ASTN2: variants seen among roughly 807,000 people sequenced by gnomAD.
The protein encoded by ASTN2 is astrotactin-2.
A neutral mutation model predicts 139.8 loss-of-function variants in ASTN2; 54 were observed. The ratio of observed to expected loss-of-function variants is 0.39; its 90% CI spans 0.31 to 0.48. The LOEUF (loss-of-function observed/expected upper bound fraction) is 0.48. Ranked by LOEUF, ASTN2 falls within the 20% of genes least tolerant of loss-of-function variation. ASTN2 has a pLI of 0.95. For missense variants in ASTN2, 1,565 were observed against 1,725.1 expected, an observed-to-expected ratio of 0.91 and a Z score of 1.64; for synonymous variants, 756 against 719.5, an observed-to-expected ratio of 1.05 and a Z score of -0.81.
intron 11 of ASTN2, among the ~76,000 whole-genome samples, chr9:116,861,499 T>C (rs1165711673): frequency 6.6e-6 from 1 of 152,174 alleles, no homozygotes; most frequent in Admixed American, 6.5e-5. Flanking sequence ...ACTTTTCCAA[T>C]GTGCTATATG....
chr9:116,829,189 C>T (rs1831731519), intron 11 of ASTN2, among the ~76,000 whole-genome samples: 2 of 151,422 alleles, frequency 1.3e-5, no homozygotes, highest in African/African-American at 4.9e-5. Flanking sequence ...AGAACAGACC[C>T]CAAATAACCA....
intron 1 of ASTN2, among the ~76,000 whole-genome samples, chr9:117,313,730 T>C (rs1828048236): frequency 6.6e-6 from 1 of 152,150 alleles, no homozygotes; most frequent in Non-Finnish European, 1.5e-5. Context: ...AGGACTCACA[T>C]GGTAAGACAC....
rs145033047 is a variant in ASTN2 at position 117,344,569 on chromosome 9, G to A, written c.443-53056C>T. Among the ~76,000 whole-genome samples the A allele has an allele frequency of 1.3e-4, 20 of 152,216 alleles. No homozygotes were observed. The East Asian group carries it at 2.3e-3, about 18-fold the overall frequency. On this transcript the variant is annotated intron_variant, in intron 1 of 22. Coordinates refer to ENST00000313400, the MANE Select transcript of ASTN2 (RefSeq NM_001365068.1). ...CTTTGTGTACACACACAACCTATGC[G>A]CACACACCCCATAGAGTGACACAGA...
intron 5 of ASTN2, among the ~76,000 whole-genome samples, chr9:117,087,577 A>G (rs1175198489): frequency 6.6e-6 from 1 of 152,186 alleles, no homozygotes. Context: ...GTACATTAGA[A>G]AGAGGACCTG....
intron 20 of ASTN2, among the ~76,000 whole-genome samples, chr9:116,445,907 G>A (rs1005539743): frequency 6.6e-6 from 1 of 152,152 alleles, no homozygotes; most frequent in Non-Finnish European, 1.5e-5. Flanking sequence ...ACCCTGCTGG[G>A]GGGTGGAGAA....
chr9:116,516,108 G>A (rs1008683577), intron 19 of ASTN2, among the ~76,000 whole-genome samples: 10 of 152,124 alleles, frequency 6.6e-5, no homozygotes, highest in Non-Finnish European at 1.3e-4. Context: ...TCTTGAACAG[G>A]AGAATAGGAA....
At chr9:117,402,037 A>C (rs192605069) in intron 1 of ASTN2, among the ~76,000 whole-genome samples, 124 of 152,258 alleles carry the variant, frequency 8.1e-4, no homozygotes, top group African/African-American at 2.9e-3. Context: ...TGCCAGTGGA[A>C]ACTATGAAAA....
At chr9:117,163,751 G>C (rs1830605233) in intron 3 of ASTN2, among the ~76,000 whole-genome samples, 1 of 151,904 alleles carries the variant, frequency 6.6e-6, no homozygotes, top group South Asian at 2.1e-4. Context: ...TTCACACTTG[G>C]ATTGACCATT....
intron 11 of ASTN2, among the ~76,000 whole-genome samples, chr9:116,830,723 C>T (rs1226652354): frequency 3.4e-5 from 5 of 146,256 alleles, no homozygotes; most frequent in East Asian, 2.1e-4. Flanking sequence ...ACCCAGGAGG[C>T]GGAGGTCACA....
intron 10 of ASTN2, among the ~76,000 whole-genome samples, chr9:116,884,803 G>GCCCTCCCCC (rs1554756734): frequency 3.6e-4 from 25 of 69,632 alleles, no homozygotes; most frequent in East Asian, 9.1e-4. Context: ...CCAAATATCC[G>GCCCTCCCCC]CCCCCCCCCC....
At chr9:117,370,471 C>T (rs187620207) in intron 1 of ASTN2, among the ~76,000 whole-genome samples, 1 of 152,242 alleles carries the variant, frequency 6.6e-6, no homozygotes, top group Admixed American at 6.5e-5. Flanking sequence ...AAATGTCATC[C>T]ATGTTCTAGC....
intron 2 of ASTN2, among the ~76,000 whole-genome samples, chr9:117,233,433 T>C (rs1832954534): frequency 1.3e-5 from 2 of 152,156 alleles, no homozygotes. Flanking sequence ...CCAGGGTGGT[T>C]GGGAGAATCA....
chr9:116,654,769 C>T (rs1011302090), intron 16 of ASTN2, among the ~76,000 whole-genome samples: 5 of 152,150 alleles, frequency 3.3e-5, no homozygotes, highest in Admixed American at 6.6e-5. Context: ...ATGGCATGAT[C>T]CCCATAGCAC....
chr9:116,642,155 A>AAAAAAT (rs1554724609), intron 17 of ASTN2, among the ~76,000 whole-genome samples: 1 of 149,796 alleles, frequency 6.7e-6, no homozygotes, highest in Non-Finnish European at 1.5e-5. Flanking sequence ...ACAAAAAAAA[A>AAAAAAT]CAGAATCAGT....
At chr9:116,458,407 TG>T (rs918665765) in intron 20 of ASTN2, among the ~76,000 whole-genome samples, 29 of 151,988 alleles carry the variant, frequency 1.9e-4, no homozygotes, top group African/African-American at 7.0e-4. Flanking sequence ...ATGCTTGAGG[TG>T]ATGGATTCCT....
intron 10 of ASTN2, among the ~76,000 whole-genome samples, chr9:116,894,347 T>A (rs1833834373): frequency 6.6e-6 from 1 of 152,082 alleles, no homozygotes; most frequent in African/African-American, 2.4e-5. Flanking sequence ...CATTACAATT[T>A]AAAAGAAAAG....
At chr9:116,629,982 G>C (rs900666240) in intron 17 of ASTN2, among the ~76,000 whole-genome samples, 3 of 152,230 alleles carry the variant, frequency 2.0e-5, no homozygotes, top group Middle Eastern at 3.4e-3. Flanking sequence ...TTGTCAGTTA[G>C]TCCCATATTT....
intron 5 of ASTN2, among the ~76,000 whole-genome samples, chr9:117,088,054 T>A (rs928473775): frequency 6.6e-6 from 1 of 152,204 alleles, no homozygotes; most frequent in Non-Finnish European, 1.5e-5. Flanking sequence ...GAGGAAAATG[T>A]TTCCCTTCTC....
chr9:117,266,076 G>A (rs1348291626), intron 2 of ASTN2, among the ~76,000 whole-genome samples: 2 of 152,204 alleles, frequency 1.3e-5, no homozygotes, highest in African/African-American at 4.8e-5. Flanking sequence ...GGTTGTGCCA[G>A]ACAGATGCAG....
Sources: gnomAD v4.1 joint callset for allele counts (sites outside exome capture counted in the v4.1 genomes callset) on GRCh38, gnomAD v4.1.1 for gene constraint, MANE v1.5 for transcripts, NCBI Gene and HGNC (gene_info 2026-07-23, HGNC 2026-07-21) for gene names.